Variants in COL9A3 observed in about 807,000 individuals in gnomAD.
The protein encoded by COL9A3 is collagen alpha-3(IX) chain.
A neutral mutation model predicts 110.2 loss-of-function variants in COL9A3; 82 were observed. The observed-to-expected ratio is 0.74, with a 90% CI of 0.62 to 0.89. The LOEUF (loss-of-function observed/expected upper bound fraction) is 0.89. Among genes scored for constraint, COL9A3 ranks in the 40% least tolerant of loss-of-function variants. The probability of loss-of-function intolerance (pLI) is 0.00; values close to 1 mark genes in which losing one functional copy is unlikely to be tolerated. For missense variants in COL9A3, 1,066 were observed against 981.3 expected (o/e 1.09, Z -1.15); for synonymous variants, 494 against 403.8 (o/e 1.22, Z -2.68).
chr20:62,835,102 A>T (rs1289189875), intron 26 of COL9A3, among the ~76,000 whole-genome samples: 1 of 151,662 alleles, frequency 6.6e-6, no homozygotes, highest in African/African-American at 2.4e-5. Flanking sequence ...GTGTGAGGTG[A>T]CCCCCTACCC....
At chr20:62,836,414 A>G in intron 28 of COL9A3, 64 bp from the exon 29 acceptor site, 1 of 1,613,698 alleles carries the variant, frequency 6.2e-7, no homozygotes, top group Non-Finnish European at 8.5e-7. Context: ...TTGCGGGGTG[A>G]CGGTGGGAAT....
upstream of COL9A3, chr20:62,816,958 T>C: frequency 1.7e-6 from 1 of 597,808 alleles, no homozygotes; most frequent in Non-Finnish European, 2.3e-6. Flanking sequence ...AATGGGGGGC[T>C]TGTGCAGGCG....
intron 14 of COL9A3, 143 bp downstream of exon 14, chr20:62,826,400 C>T: frequency 1.2e-6 from 1 of 819,050 alleles, no homozygotes; most frequent in Non-Finnish European, 1.9e-6. Context: ...GTGGCGCAGG[C>T]CTTGCTCTGG....
intron 3 of COL9A3, 45 bp from the exon 4 acceptor site, chr20:62,819,177 A>C (rs1374694796): frequency 2.5e-6 from 4 of 1,587,970 alleles, no homozygotes; most frequent in Non-Finnish European, 3.5e-6. Context: ...CCTGGGCTCC[A>C]GGCCAGACCC....
intron 7 of COL9A3, 64 bp from the exon 8 acceptor site, chr20:62,821,693 C>T (rs2063514119): frequency 1.3e-6 from 2 of 1,555,804 alleles, no homozygotes; most frequent in Non-Finnish European, 1.8e-6. Context: ...GCACACCAAC[C>T]CTGGGTGGGG....
chr20:62,837,215 C>G lies in COL9A3; in HGVS notation c.1736C>G (p.Pro579Arg), dbSNP rs751185478. ...GSIGHPGARG[P>R]PGYRGPTGEL... ...ATTGGTCACCCTGGCGCTCGAGGACCCCCTGGATACCGCGGTCCCACTGGG... is the reference window on the plus strand; with the variant it reads ...ATTGGTCACCCTGGCGCTCGAGGACGCCCTGGATACCGCGGTCCCACTGGG... Residue 579 changes from proline (P) to arginine (R), a missense_variant, in exon 30 of 32, where the codon CCC (proline) becomes CGC (arginine). By Grantham distance (103) the Pro-to-Arg change is moderately radical. Coordinates refer to ENST00000649368, the MANE Select transcript of COL9A3 (RefSeq NM_001853.4). 18 of 1,612,114 alleles carry G rather than the reference C, an allele frequency of 1.1e-5. No individual in the cohort carries two copies. The African/African-American group carries it at 2.3e-4, about 20-fold the overall frequency.
intron 3 of COL9A3, 73 bp downstream of exon 3, chr20:62,818,626 C>T (rs1321331668): frequency 2.1e-6 from 3 of 1,451,382 alleles, no homozygotes; most frequent in Non-Finnish European, 9.7e-7. Flanking sequence ...ACAGAGGGGT[C>T]ATTGATATCC....
rs755765044 is a variant in COL9A3, at chr20:62,828,771, C to A, written c.908C>A (p.Pro303Gln). 1 of 1,612,828 alleles carries A rather than the reference C, an allele frequency of 6.2e-7. No individual in the cohort carries two copies. Among genetic ancestry groups the A allele is most frequent in the Admixed American group, 1.7e-5 (1 of 60,020 alleles). ...VAGPSGEPGM[P>Q]GKDGQNGVPG... The stretch of plus-strand genomic sequence containing the variant: ...CTCATCCCTTGTCCCCAGGGCATGC[C>A]GGGCAAGGACGGCCAGAATGGCGTG... The change falls in exon 18 of 32, where the codon CCG (proline) becomes CAG (glutamine). Residue 303 changes from proline (P) to glutamine (Q), a missense_variant. Transcript: ENST00000649368.
intron 5 of COL9A3, among the ~76,000 whole-genome samples, chr20:62,820,342 G>C (rs1453333050): frequency 6.6e-6 from 1 of 152,110 alleles, no homozygotes; most frequent in East Asian, 1.9e-4. Flanking sequence ...AGAGTCCCCT[G>C]TGCCTGCCTG....
intron 3 of COL9A3, 93 bp downstream of exon 3, chr20:62,818,646 C>G (rs1568747285): frequency 7.3e-7 from 1 of 1,366,270 alleles, no homozygotes; most frequent in Non-Finnish European, 1.0e-6. Context: ...CTGTCTCATC[C>G]TGCCGGAGCC....
At chr20:62,819,075 C>G (rs1991030926) in intron 3 of COL9A3, 147 bp from the exon 4 acceptor site, 1 of 834,466 alleles carries the variant, frequency 1.2e-6, no homozygotes, top group South Asian at 1.4e-5. Flanking sequence ...TGAGCCGGGT[C>G]TGCCAGACAG....
intron 25 of COL9A3, chr20:62,832,734 C>G: frequency 2.8e-6 from 1 of 357,126 alleles, no homozygotes; most frequent in Non-Finnish European, 4.4e-6. Flanking sequence ...CCTTTCCATA[C>G]CGCTGGAGGG....
In COL9A3 at chr20:62,821,810, G is replaced by A. The variant is rs760470273; in HGVS notation, c.423G>A (p.Pro141=). The A allele has an allele frequency of 2.1e-5, 33 of 1,596,230 alleles. No homozygotes were observed. The highest frequency in any genetic ancestry group is 2.4e-5 in the Non-Finnish European group (28 of 1,166,832). Residue 141 remains proline (P), a splice_region_variant and synonymous_variant, in exon 8 of 32, where the codon CCG becomes CCA. Transcript: ENST00000649368. Reference sequence around the variant, plus strand: ...GTGGGATCGGCCTCCGCGGCCCCCCGGTGAGTGGCTGTCCCAGAGCCCCTC... The same window carrying A: ...GTGGGATCGGCCTCCGCGGCCCCCCAGTGAGTGGCTGTCCCAGAGCCCCTC... ...PPGGIGLRGP[P]GPSGLPGLPG... is the part of the protein sequence containing the mutation.
chr20:62,830,633 C>A, intron 24 of COL9A3, 45 bp downstream of exon 24: 1 of 1,409,602 alleles, frequency 7.1e-7, no homozygotes, highest in South Asian at 1.2e-5. Context: ...CCCCCTCTAC[C>A]CATGTACCAC....
chr20:62,832,232 C>G, intron 25 of COL9A3, 43 bp downstream of exon 25: 1 of 1,598,076 alleles, frequency 6.3e-7, no homozygotes, highest in Admixed American at 1.7e-5. Context: ...GAAGGCAAAG[C>G]TGCACAGCTT....
intron 28 of COL9A3, 35 bp from the exon 29 acceptor site, chr20:62,836,443 C>T: frequency 6.2e-7 from 1 of 1,613,570 alleles, no homozygotes; most frequent in Non-Finnish European, 8.5e-7. Context: ...GAGGCTGCCG[C>T]CCCCATGCTG....
At chr20:62,834,557 GTC>G (rs1201302211) in intron 26 of COL9A3, among the ~76,000 whole-genome samples, 1 of 152,222 alleles carries the variant, frequency 6.6e-6, no homozygotes. Flanking sequence ...AGGGACCCCA[GTC>G]TCTGGCAGAC....
chr20:62,833,565 A>G (rs113006457), intron 26 of COL9A3, among the ~76,000 whole-genome samples: 5,202 of 151,552 alleles, frequency 0.034, 299 homozygotes, highest in African/African-American at 0.12. Flanking sequence ...CACCATGCCC[A>G]GCTAATTTTT....
At chr20:62,821,604 A>T in intron 7 of COL9A3, 74 bp downstream of exon 7, 1 of 1,604,304 alleles carries the variant, frequency 6.2e-7, no homozygotes, top group African/African-American at 1.3e-5. Context: ...GGATGTCCCA[A>T]ACCGTGCCTG....
Sources: allele counts gnomAD v4.1 joint callset (sites outside exome capture counted in the v4.1 genomes callset), GRCh38; gene constraint gnomAD v4.1.1; transcripts MANE v1.5; gene names NCBI Gene and HGNC (gene_info 2026-07-23, HGNC 2026-07-21).